MFF: variants seen among roughly 807,000 people sequenced by gnomAD.
MFF encodes chromosome 2 open reading frame 33.
In MFF, 12 loss-of-function variants were observed where a neutral mutation model predicts 36.9. That is an observed-to-expected ratio of 0.33 (90% CI 0.21 to 0.53). The LOEUF is 0.53. MFF is among the 20% of genes least tolerant of loss of function. The probability of loss-of-function intolerance (pLI) is 0.95; values close to 1 mark genes in which losing one functional copy is unlikely to be tolerated. For missense variants in MFF, 348 were observed against 366.6 expected (o/e 0.95, Z 0.42); for synonymous variants, 99 against 126.2 (o/e 0.78, Z 1.44).
At chr2:227,353,384 C>A (rs1287986390) in intron 7 of MFF, among the ~76,000 whole-genome samples, 1 of 152,112 alleles carries the variant, frequency 6.6e-6, no homozygotes, top group Non-Finnish European at 1.5e-5. Context: ...CTGGCAGCAT[C>A]GTTTCTGTGC....
intron 7 of MFF, 135 bp downstream of exon 7, chr2:227,352,708 C>A (rs2076063219): frequency 1.4e-6 from 1 of 720,176 alleles, no homozygotes; most frequent in Admixed American, 2.0e-5. Context: ...ATGAGTACAT[C>A]TTGCTTCTCT....
chr2:227,330,758 G>A lies in MFF; in HGVS notation c.93G>A (p.Pro31=), dbSNP rs767787568. Residue 31 remains proline (P), a synonymous_variant, in exon 3 of 9, where the codon CCG becomes CCA. Coordinates refer to ENST00000304593, the MANE Select transcript of MFF (RefSeq NM_001277062.2). The part of the protein sequence containing the change: ...MRVPEKLKVA[P]PNADLEQGFQ... ...TCCCAGAAAAGTTAAAAGTAGCACCGCCAAACGCTGACCTGGAACAAGGAT... is the reference window on the plus strand; with the variant it reads ...TCCCAGAAAAGTTAAAAGTAGCACCACCAAACGCTGACCTGGAACAAGGAT... 17 of 1,614,070 alleles carry A rather than the reference G, an allele frequency of 1.1e-5. No homozygotes were observed. In the East Asian group the frequency reaches 3.3e-4, roughly 32 times the overall value.
At chr2:227,340,508 G>A in intron 5 of MFF, 128 bp downstream of exon 5, 1 of 700,028 alleles carries the variant, frequency 1.4e-6, no homozygotes, top group Admixed American at 2.9e-5. Context: ...TTATATTTTT[G>A]TAATACTTTT....
intron 4 of MFF, among the ~76,000 whole-genome samples, chr2:227,339,826 C>T (rs1054567059): frequency 5.9e-5 from 9 of 152,212 alleles, no homozygotes; most frequent in Non-Finnish European, 1.3e-4. Flanking sequence ...AAGCTAGATA[C>T]ATTTTTAGTC....
intron 2 of MFF, chr2:227,329,992 A>G (rs2074457034): frequency 5.3e-6 from 2 of 377,160 alleles, no homozygotes; most frequent in Non-Finnish European, 9.5e-6. Context: ...AGTCCCTCCA[A>G]AAATGAATAC....
chr2:227,348,564 C>G (rs1210720010), intron 6 of MFF, among the ~76,000 whole-genome samples: 1 of 152,052 alleles, frequency 6.6e-6, no homozygotes, highest in Non-Finnish European at 1.5e-5. Flanking sequence ...GTTTAGACTC[C>G]CTTTTATGCT....
intron 6 of MFF, among the ~76,000 whole-genome samples, chr2:227,348,082 G>C (rs56022659): frequency 0.32 from 48,805 of 151,960 alleles, 8,106 homozygotes; most frequent in Admixed American, 0.43. Flanking sequence ...TTTTGGCATA[G>C]TGTGGGAAAG....
chr2:227,330,679 G>A lies in MFF; in HGVS notation c.14G>A (p.Ser5Asn). The change falls in exon 3 of 9, where the codon AGT (serine) becomes AAT (asparagine). Residue 5 changes from serine (S) to asparagine (N), a missense_variant. By Grantham distance (46) the Ser-to-Asn change is conservative (BLOSUM62 1). Coordinates refer to ENST00000304593, the MANE Select transcript of MFF (RefSeq NM_001277062.2). The part of the protein sequence containing the change: MAEI[S>N]RIQYEMEYTE... ...ACTGCTGCTGAGATGGCAGAAATTA[G>A]TCGAATTCAGTACGAAATGGAATAT... 6.2e-7 allele frequency: 1 copy of A among 1,614,140 alleles called. No homozygotes were observed. Among genetic ancestry groups the A allele is most frequent in the East Asian group, 2.2e-5 (1 of 44,886 alleles).
chr2:227,342,752 A>G (rs2075467748), intron 5 of MFF: 9 of 1,613,018 alleles, frequency 5.6e-6, no homozygotes, highest in Non-Finnish European at 7.6e-6. Flanking sequence ...AAGGTGGCAC[A>G]GATCAGATTC....
intron 6 of MFF, 97 bp downstream of exon 6, chr2:227,347,481 T>C: frequency 1.0e-6 from 1 of 963,932 alleles, no homozygotes. Flanking sequence ...TTTTACCTTC[T>C]AGCCTCTTTC....
intron 8 of MFF, 86 bp downstream of exon 8, chr2:227,355,847 C>T (rs536866476): frequency 5.6e-5 from 47 of 841,772 alleles, no homozygotes; most frequent in South Asian, 5.0e-4. Flanking sequence ...TTATTATTTT[C>T]TCTCCTGTGG....
intron 1 of MFF, among the ~76,000 whole-genome samples, chr2:227,326,337 C>A (rs944859570): frequency 4.0e-5 from 6 of 151,742 alleles, no homozygotes; most frequent in African/African-American, 7.3e-5. Context: ...TGTCTCCCTG[C>A]GTGAAAAACA....
chr2:227,327,587 C>T (rs1223878101), intron 1 of MFF, among the ~76,000 whole-genome samples: 1 of 152,148 alleles, frequency 6.6e-6, no homozygotes, highest in Non-Finnish European at 1.5e-5. Context: ...CAGCATCCAC[C>T]TTTATTTTCT....
chr2:227,351,375 T>G (rs555028336), intron 6 of MFF, among the ~76,000 whole-genome samples: 2 of 146,692 alleles, frequency 1.4e-5, no homozygotes, highest in East Asian at 4.0e-4. Context: ...AGAATTTTCT[T>G]ACATGAATTG....
intron 5 of MFF, 188 bp downstream of exon 5, chr2:227,340,568 AC>A: frequency 1.8e-6 from 1 of 541,372 alleles, no homozygotes; most frequent in Non-Finnish European, 3.3e-6. Context: ...TTTTTCAGTC[AC>A]CTTATCCTTT....
intron 2 of MFF, 38 bp from the exon 3 acceptor site, chr2:227,330,588 T>C (rs1320415046): frequency 1.5e-6 from 2 of 1,305,248 alleles, no homozygotes; most frequent in African/African-American, 4.6e-5. Flanking sequence ...GACTGACATT[T>C]TAACAGTCAG....
At chr2:227,330,605 C>CTTTAATT (rs767045519) in intron 2 of MFF, 21 bp from the exon 3 acceptor site, 32 of 1,577,342 alleles carry the variant, frequency 2.0e-5, no homozygotes, top group Non-Finnish European at 2.8e-5. Flanking sequence ...TCAGCCCTGT[C>CTTTAATT]TTTAAATTTT....
Position 227,355,817 on chromosome 2 carries a change from A to C in MFF, c.744+56A>C. On this transcript the variant is annotated intron_variant, in intron 8 of 8. Transcript: ENST00000304593. ...TCAGTTATATTCATACAATATTTTA[A>C]AGTGATAGTTCTCAACATTTTATTA... The C allele has an allele frequency of 2.9e-6, 3 of 1,048,336 alleles. No homozygotes were observed. In the South Asian group the frequency reaches 4.0e-5, roughly 14 times the overall value. The allele number at this position is 1,048,336 out of a possible 1,614,324, so 64.9% of individuals were successfully genotyped here.
At chr2:227,329,473 A>G (rs1283871817) in intron 2 of MFF, 4 of 355,560 alleles carry the variant, frequency 1.1e-5, no homozygotes, top group Admixed American at 5.2e-5. Flanking sequence ...AGATTTAACA[A>G]TTGGTTTCTC....
Sources: gnomAD v4.1 joint callset for allele counts (sites outside exome capture counted in the v4.1 genomes callset) on GRCh38, gnomAD v4.1.1 for gene constraint, MANE v1.5 for transcripts, NCBI Gene and HGNC (gene_info 2026-07-23, HGNC 2026-07-21) for gene names.